Variants in NEK10 observed in about 807,000 individuals in gnomAD.
NEK10 encodes NIMA related kinase 10, also known as serine/threonine-protein kinase Nek10.
In NEK10, 122 loss-of-function variants were observed where a neutral mutation model predicts 159.8. The ratio of observed to expected loss-of-function variants is 0.76; its 90% confidence interval spans 0.66 to 0.89. NEK10 has a LOEUF of 0.89. Among genes scored for constraint, NEK10 ranks in the 40% least tolerant of loss-of-function variants. NEK10 has a pLI of 0.00. For missense variants in NEK10, 1,342 were observed against 1,323.1 expected, an observed-to-expected ratio of 1.01 and a Z score of -0.22; for synonymous variants, 466 against 457.1, an observed-to-expected ratio of 1.02 and a Z score of -0.25.
At position 27,307,840 on chromosome 3, in the gene NEK10, C is replaced by A. The variant is rs1159188212; in HGVS notation, c.803+19G>T. 48 of 1,213,172 alleles carry A rather than the reference C, an allele frequency of 4.0e-5. No individual in the cohort carries two copies. The highest frequency in any genetic ancestry group is 5.9e-5 in the Non-Finnish European group (48 of 817,528). 75.2% of individuals were successfully genotyped at this position (1,213,172 alleles called of 1,614,324 possible). ...AATAAAGGCACTGCATTGTCTTTTT[C>A]TACTGTTAGCAATCCTACCTTTTAG... On this transcript the variant is annotated intron_variant, in intron 11 of 35. Transcript: ENST00000691995.
At position 27,226,378 on chromosome 3, in the gene NEK10, G is replaced by T. The variant is rs566404894; in HGVS notation, c.2091-23821C>A. On this transcript the variant is annotated intron_variant, in intron 23 of 35. Transcript: ENST00000691995. ...TAAAAAAAAGAAAGAAAGAAAGAAA[G>T]ACTGAAAGAGAAAGAGGAAGGTGGG... Among the ~76,000 whole-genome samples the T allele has an allele frequency of 4.6e-5, 7 of 152,148 alleles. No individual in the cohort carries two copies. The East Asian group carries it at 1.2e-3, about 25-fold the overall frequency.
intron 5 of NEK10, among the ~76,000 whole-genome samples, chr3:27,337,075 A>G (rs1386112791): frequency 6.6e-6 from 1 of 152,128 alleles, no homozygotes; most frequent in Non-Finnish European, 1.5e-5. Context: ...ACAGGATCTT[A>G]TATTTAGAAA....
intron 12 of NEK10, among the ~76,000 whole-genome samples, chr3:27,304,020 C>T (rs1268359054): frequency 2.0e-5 from 3 of 152,148 alleles, no homozygotes; most frequent in African/African-American, 7.2e-5. Context: ...TTATTAAATA[C>T]TTCAATCTAT....
chr3:27,345,811 A>G (rs2047512397), intron 4 of NEK10, among the ~76,000 whole-genome samples: 2 of 152,246 alleles, frequency 1.3e-5, no homozygotes, highest in African/African-American at 4.8e-5. Flanking sequence ...AACCAGGTCA[A>G]TAATCTGGAA....
At position 27,124,409 on chromosome 3, in the gene NEK10, T is replaced by C. The variant is rs79878817; in HGVS notation, c.3082-4541A>G. On this transcript the variant is annotated intron_variant, in intron 32 of 35. Transcript: ENST00000691995. ...TCTTATTTAACAATAGTAGTACTAATTGACATGTATTGAATACTTACAACA... is the reference window on the plus strand; with the variant it reads ...TCTTATTTAACAATAGTAGTACTAACTGACATGTATTGAATACTTACAACA... 5.1e-3 allele frequency among the ~76,000 whole-genome samples: 779 copies of C among 152,292 alleles called. 8 individuals carry two copies. Among genetic ancestry groups the C allele is most frequent in the African/African-American group, 0.017 (725 of 41,578 alleles).
chr3:27,330,173 C>G (rs1290830198), intron 5 of NEK10, among the ~76,000 whole-genome samples: 1 of 151,998 alleles, frequency 6.6e-6, no homozygotes, highest in African/African-American at 2.4e-5. Context: ...CATGTGTGTA[C>G]ACATTTACCT....
At chr3:27,367,353 C>A (rs1470943044) in intron 1 of NEK10, among the ~76,000 whole-genome samples, 4 of 152,188 alleles carry the variant, frequency 2.6e-5, no homozygotes, top group Non-Finnish European at 5.9e-5. Context: ...GCACACCATG[C>A]TGTACTGTCT....
intron 1 of NEK10, among the ~76,000 whole-genome samples, chr3:27,364,292 T>C (rs2048892686): frequency 6.6e-6 from 1 of 151,546 alleles, no homozygotes; most frequent in African/African-American, 2.4e-5. Flanking sequence ...GCGATTCTCC[T>C]GCCTCAGCCT....
intron 1 of NEK10, among the ~76,000 whole-genome samples, chr3:27,360,155 T>C (rs796908421): frequency 2.0e-5 from 3 of 152,342 alleles, no homozygotes; most frequent in East Asian, 3.9e-4. Flanking sequence ...TATATTACAT[T>C]GTTATTGTTC....
At chr3:27,220,533 C>T (rs1426435239) in intron 23 of NEK10, among the ~76,000 whole-genome samples, 1 of 151,998 alleles carries the variant, frequency 6.6e-6, no homozygotes, top group Non-Finnish European at 1.5e-5. Context: ...CATAACATAT[C>T]CATAGGGTCT....
At chr3:27,331,262 A>AAAAAAAAAAAACAAAAAAAC in intron 5 of NEK10, among the ~76,000 whole-genome samples, 1 of 110,144 alleles carries the variant, frequency 9.1e-6, no homozygotes, top group Non-Finnish European at 2.0e-5. Flanking sequence ...AAAAAAAAAA[A>AAAAAAAAAAAACAAAAAAAC]ACACACAAAC....
intron 12 of NEK10, among the ~76,000 whole-genome samples, chr3:27,303,856 T>C (rs1232493182): frequency 6.6e-6 from 1 of 152,220 alleles, no homozygotes; most frequent in African/African-American, 2.4e-5. Flanking sequence ...TTTATTAGAA[T>C]GAGCTTTATT....
In NEK10 at chr3:27,179,845, C is replaced by G. The variant is rs141174672; in HGVS notation, c.2506-5012G>C. On this transcript the variant is annotated intron_variant, in intron 26 of 35. Coordinates refer to ENST00000691995, the MANE Select transcript of NEK10 (RefSeq NM_001394966.1). ...CCTGTAATCCTAGCACTTCAGGAGG[C>G]TGAGGCAGACAGATCACCTGAGGTC... Among the ~76,000 whole-genome samples, 240 of 152,300 alleles carry G rather than the reference C, an allele frequency of 1.6e-3. 1 individual carries two copies. Among genetic ancestry groups the G allele is most frequent in the African/African-American group, 5.5e-3 (230 of 41,562 alleles).
At chr3:27,317,121 T>C (rs2045262077) in intron 6 of NEK10, among the ~76,000 whole-genome samples, 1 of 152,200 alleles carries the variant, frequency 6.6e-6, no homozygotes. Context: ...TAACCTTCAT[T>C]TATGAAATGA....
At chr3:27,294,139 T>C (rs902506207) in intron 15 of NEK10, among the ~76,000 whole-genome samples, 3 of 152,242 alleles carry the variant, frequency 2.0e-5, no homozygotes, top group African/African-American at 7.2e-5. Flanking sequence ...GTAAAGAGTC[T>C]TAAGCATTCC....
chr3:27,367,555 T>C (rs1340491110), intron 1 of NEK10: 2 of 152,244 alleles, frequency 1.3e-5, no homozygotes, highest in South Asian at 2.1e-4. Context: ...TGGCCATTTC[T>C]GACTTTTCTG....
At chr3:27,338,525 T>C (rs1041148069) in intron 5 of NEK10, among the ~76,000 whole-genome samples, 1 of 152,244 alleles carries the variant, frequency 6.6e-6, no homozygotes, top group Non-Finnish European at 1.5e-5. Flanking sequence ...TCTTCCACAA[T>C]GGTTGAACTA....
At chr3:27,337,708 C>T (rs1462827713) in intron 5 of NEK10, among the ~76,000 whole-genome samples, 1 of 152,008 alleles carries the variant, frequency 6.6e-6, no homozygotes, top group African/African-American at 2.4e-5. Context: ...AAAAGGACAC[C>T]CTCTTCAATA....
At chr3:27,201,480 C>T in intron 25 of NEK10, 30 bp downstream of exon 25, 2 of 1,587,454 alleles carry the variant, frequency 1.3e-6, no homozygotes, top group Middle Eastern at 3.3e-4. Context: ...TTGATTGTCC[C>T]TACATGTCTG....
Sources: gnomAD v4.1 joint callset for allele counts (sites outside exome capture counted in the v4.1 genomes callset) on GRCh38, gnomAD v4.1.1 for gene constraint, MANE v1.5 for transcripts, NCBI Gene and HGNC (gene_info 2026-07-23, HGNC 2026-07-21) for gene names.